Variants in THADA observed in about 807,000 individuals in gnomAD.
THADA encodes tRNA (32-2'-O)-methyltransferase regulator THADA.
In THADA, 213 loss-of-function variants were observed where a neutral mutation model predicts 219.8. The observed-to-expected ratio is 0.97, with a 90% confidence interval of 0.87 to 1.09. The LOEUF (loss-of-function observed/expected upper bound fraction) is 1.09. THADA is among the 50% of genes least tolerant of loss of function. The probability of loss-of-function intolerance (pLI) is 0.00; values close to 1 mark genes in which losing one functional copy is unlikely to be tolerated. For missense variants in THADA, 2,956 were observed against 2,311.3 expected (o/e 1.28, Z -5.72); for synonymous variants, 1,018 against 828.9 (o/e 1.23, Z -3.92).
intron 20 of THADA, 35 bp from the exon 21 acceptor site, chr2:43,541,351 G>A (rs753992491): frequency 1.9e-6 from 3 of 1,607,530 alleles, no homozygotes; most frequent in Admixed American, 1.7e-5. Flanking sequence ...TTGCAACCTT[G>A]ATTACTCATA....
intron 36 of THADA, among the ~76,000 whole-genome samples, chr2:43,275,026 A>C: frequency 1.6e-5 from 2 of 123,156 alleles, no homozygotes; most frequent in East Asian, 2.2e-4. Context: ...AGGGAGTCTC[A>C]CTCTGTTGCC....
rs1368904180 is a variant in THADA, at chr2:43,501,410, A to C, written c.3622-2455T>G. The stretch of plus-strand genomic sequence containing the variant: ...AAATGATCTGAATAAATGGAGAAAT[A>C]AGCCATGCTCATGGAAGATTCAATA... On this transcript the variant is annotated intron_variant, in intron 24 of 37. Transcript: ENST00000405975. Among the ~76,000 whole-genome samples the C allele has an allele frequency of 2.6e-5, 4 of 151,904 alleles. No homozygotes were observed. In the South Asian group the frequency reaches 8.3e-4, roughly 32 times the overall value.
At chr2:43,355,646 T>A (rs1668796919) in intron 29 of THADA, among the ~76,000 whole-genome samples, 1 of 152,216 alleles carries the variant, frequency 6.6e-6, no homozygotes, top group Non-Finnish European at 1.5e-5. Context: ...TGTTTACATC[T>A]TTTATCTATT....
chr2:43,497,388 G>C (rs1688397320), intron 25 of THADA, among the ~76,000 whole-genome samples: 1 of 152,138 alleles, frequency 6.6e-6, no homozygotes, highest in Non-Finnish European at 1.5e-5. Flanking sequence ...CCTTTGCAGG[G>C]ACATGGATGA....
chr2:43,520,361 C>G (rs965481114), intron 22 of THADA, among the ~76,000 whole-genome samples: 3 of 152,150 alleles, frequency 2.0e-5, no homozygotes, highest in African/African-American at 7.2e-5. Flanking sequence ...CAAGGTTCAT[C>G]ATAAACAACT....
chr2:43,319,380 T>C (rs1047203406), intron 31 of THADA, among the ~76,000 whole-genome samples: 5 of 152,184 alleles, frequency 3.3e-5, no homozygotes, highest in African/African-American at 9.6e-5. Flanking sequence ...ACAAAGAGGA[T>C]ACAACAGCTA....
intron 29 of THADA, among the ~76,000 whole-genome samples, chr2:43,364,707 C>G (rs1281490575): frequency 6.6e-6 from 1 of 152,200 alleles, no homozygotes; most frequent in Admixed American, 6.5e-5. Context: ...TTGACATCTG[C>G]TTATATGCCT....
chr2:43,557,002 G>A (rs142319944), intron 16 of THADA, among the ~76,000 whole-genome samples: 9 of 152,246 alleles, frequency 5.9e-5, no homozygotes, highest in Non-Finnish European at 1.2e-4. Context: ...AGGATCACTC[G>A]AGCTCAGGAG....
intron 26 of THADA, among the ~76,000 whole-genome samples, chr2:43,435,770 G>C (rs1210181969): frequency 9.0e-6 from 1 of 110,688 alleles, no homozygotes; most frequent in African/African-American, 3.6e-5. Context: ...GCAAGAGTGA[G>C]AACTTGCCAC....
intron 31 of THADA, among the ~76,000 whole-genome samples, chr2:43,315,451 T>C (rs2104449321): frequency 6.6e-6 from 1 of 152,148 alleles, no homozygotes; most frequent in African/African-American, 2.4e-5. Flanking sequence ...CCAGTTACAT[T>C]CTTTTTTTTT....
chr2:43,538,083 T>C (rs539732178), intron 21 of THADA, among the ~76,000 whole-genome samples: 27 of 152,304 alleles, frequency 1.8e-4, no homozygotes, highest in African/African-American at 6.5e-4. Context: ...GTAGTTTCTT[T>C]TTAAGAATAT....
intron 37 of THADA, among the ~76,000 whole-genome samples, chr2:43,232,070 C>A (rs1558437993): frequency 1.3e-5 from 2 of 152,212 alleles, no homozygotes; most frequent in Admixed American, 1.3e-4. Context: ...GAAAATGCTT[C>A]ACCCTCAGAC....
chr2:43,567,362 G>A (rs924782156), intron 14 of THADA, among the ~76,000 whole-genome samples: 2 of 152,158 alleles, frequency 1.3e-5, no homozygotes, highest in Admixed American at 1.3e-4. Flanking sequence ...AGGCGTGGTG[G>A]CTCATGCCTG....
intron 26 of THADA, among the ~76,000 whole-genome samples, chr2:43,475,004 AC>A (rs1240307923): frequency 6.6e-6 from 1 of 152,214 alleles, no homozygotes; most frequent in African/African-American, 2.4e-5. Context: ...AAAGAAAGAA[AC>A]GTAGCAAACA....
intron 29 of THADA, among the ~76,000 whole-genome samples, chr2:43,345,575 T>A (rs1667547378): frequency 6.6e-6 from 1 of 152,136 alleles, no homozygotes; most frequent in Admixed American, 6.5e-5. Flanking sequence ...CCACCCGACG[T>A]GGAGTCTGGA....
intron 22 of THADA, among the ~76,000 whole-genome samples, chr2:43,515,158 T>C (rs1479303248): frequency 4.4e-4 from 1 of 2,264 alleles, no homozygotes; most frequent in Non-Finnish European, 6.5e-4. Flanking sequence ...TTTTATATAT[T>C]ATATATAATA....
At chr2:43,313,131 G>A (rs1448037386) in intron 31 of THADA, among the ~76,000 whole-genome samples, 2 of 152,174 alleles carry the variant, frequency 1.3e-5, no homozygotes, top group Admixed American at 6.5e-5. Flanking sequence ...GTTTTAGGCA[G>A]TACAAATACA....
chr2:43,568,712 C>A (rs1698956292), intron 14 of THADA, among the ~76,000 whole-genome samples: 1 of 151,926 alleles, frequency 6.6e-6, no homozygotes, highest in South Asian at 2.1e-4. Context: ...AGAGAAACTA[C>A]AAAATAACTA....
chr2:43,535,675 C>CAAAAAAA (rs1177702416), intron 21 of THADA, among the ~76,000 whole-genome samples: 38 of 30,346 alleles, frequency 1.3e-3, no homozygotes, highest in East Asian at 3.1e-3. Context: ...CAGCGAGACT[C>CAAAAAAA]AAAAAAAAAA....
Sources: allele counts gnomAD v4.1 joint callset (sites outside exome capture counted in the v4.1 genomes callset), GRCh38; gene constraint gnomAD v4.1.1; transcripts MANE v1.5; gene names NCBI Gene and HGNC (gene_info 2026-07-23, HGNC 2026-07-21).